The following MAGI1 variants were observed in gnomAD, a reference collection of about 807,000 sequenced individuals.
The protein encoded by MAGI1 is membrane-associated guanylate kinase, WW and PDZ domain-containing protein 1.
In MAGI1, 58 loss-of-function variants were observed where a neutral mutation model predicts 139.9. The observed-to-expected ratio is 0.41, with a 90% CI of 0.34 to 0.52. The LOEUF (loss-of-function observed/expected upper bound fraction) is 0.52, where lower values mean the gene tolerates loss of function less well. MAGI1 is among the 20% of genes least tolerant of loss of function. The pLI, the probability that MAGI1 is intolerant of heterozygous loss-of-function variation, is 0.12. For synonymous variants in MAGI1, 812 were observed against 737.9 expected (o/e 1.10, Z -1.63); for missense variants, 1,874 against 1,901.6 (o/e 0.99, Z 0.27).
chr3:65,512,482 C>T (rs896809790), intron 2 of MAGI1, among the ~76,000 whole-genome samples: 3 of 148,490 alleles, frequency 2.0e-5, no homozygotes, highest in South Asian at 2.2e-4. Context: ...ATATCACCAC[C>T]GATCCCACAG....
At chr3:65,518,756 C>T (rs957712765) in intron 2 of MAGI1, among the ~76,000 whole-genome samples, 1 of 143,274 alleles carries the variant, frequency 7.0e-6, no homozygotes, top group Non-Finnish European at 1.5e-5. Context: ...ATGTTGAAGA[C>T]GGTAGATGCA....
At chr3:65,526,080 T>A (rs1332509311) in intron 2 of MAGI1, among the ~76,000 whole-genome samples, 1 of 152,232 alleles carries the variant, frequency 6.6e-6, no homozygotes, top group East Asian at 1.9e-4. Context: ...ATTCTCCACT[T>A]CTATCATAAT....
At chr3:65,984,290 T>A (rs1015180969) in intron 1 of MAGI1, among the ~76,000 whole-genome samples, 2 of 152,124 alleles carry the variant, frequency 1.3e-5, no homozygotes, top group Non-Finnish European at 2.9e-5. Context: ...TGAGACACCA[T>A]CTAAAAACTA....
chr3:65,450,587 G>T (rs558102684), intron 6 of MAGI1, among the ~76,000 whole-genome samples: 1 of 152,232 alleles, frequency 6.6e-6, no homozygotes, highest in Admixed American at 6.5e-5. Flanking sequence ...CGACTAAGTC[G>T]AAGTATCTTT....
intron 1 of MAGI1, among the ~76,000 whole-genome samples, chr3:65,716,712 C>T (rs562545218): frequency 3.3e-5 from 5 of 152,274 alleles, no homozygotes; most frequent in Admixed American, 6.5e-5. Flanking sequence ...CAAGATAAAA[C>T]GAAAGAATAA....
intron 1 of MAGI1, among the ~76,000 whole-genome samples, chr3:65,947,632 T>C (rs1259482660): frequency 6.6e-6 from 1 of 152,182 alleles, no homozygotes; most frequent in East Asian, 1.9e-4. Flanking sequence ...GGTTTGTTTT[T>C]CTGAGACGGG....
At chr3:65,387,065 C>A (rs146924151) in intron 14 of MAGI1, 4 of 1,302,838 alleles carry the variant, frequency 3.1e-6, no homozygotes, top group Non-Finnish European at 4.4e-6. Context: ...TGAACTTCTC[C>A]CCAGGCCCCC....
intron 1 of MAGI1, among the ~76,000 whole-genome samples, chr3:65,880,322 A>G (rs142292635): frequency 1.4e-3 from 206 of 152,336 alleles, no homozygotes; most frequent in African/African-American, 4.8e-3. Context: ...TAGTAACAGT[A>G]GTGCTGGCAG....
intron 2 of MAGI1, among the ~76,000 whole-genome samples, chr3:65,590,648 G>T (rs982946340): frequency 5.3e-5 from 8 of 152,134 alleles, no homozygotes; most frequent in Non-Finnish European, 1.2e-4. Flanking sequence ...GAACAATGCT[G>T]AATATATTAC....
intron 1 of MAGI1, among the ~76,000 whole-genome samples, chr3:65,813,430 G>A (rs1308486185): frequency 1.3e-5 from 2 of 151,624 alleles, no homozygotes; most frequent in African/African-American, 4.8e-5. Context: ...TGCGAATTAT[G>A]AAAAAAAATG....
intron 1 of MAGI1, among the ~76,000 whole-genome samples, chr3:65,652,542 T>C (rs2085644421): frequency 6.6e-6 from 1 of 152,100 alleles, no homozygotes; most frequent in African/African-American, 2.4e-5. Flanking sequence ...GTCAAATGTC[T>C]CCTGGAAAAT....
intron 7 of MAGI1, among the ~76,000 whole-genome samples, chr3:65,443,233 T>C (rs1275288853): frequency 6.6e-6 from 1 of 152,216 alleles, no homozygotes; most frequent in Non-Finnish European, 1.5e-5. Context: ...CAAAAATGGA[T>C]GAAAATTAAT....
chr3:65,599,356 T>A (rs1261578995), intron 2 of MAGI1, among the ~76,000 whole-genome samples: 1 of 152,142 alleles, frequency 6.6e-6, no homozygotes, highest in Admixed American at 6.5e-5. Context: ...AGAAAATAAA[T>A]GTTGTTCCTT....
chr3:65,573,315 C>G (rs1020280956), intron 2 of MAGI1, among the ~76,000 whole-genome samples: 2 of 151,742 alleles, frequency 1.3e-5, no homozygotes, highest in Non-Finnish European at 2.9e-5. Flanking sequence ...AAAAATTTAA[C>G]CAATCATATT....
At chr3:65,996,546 G>C (rs1246337914) in intron 1 of MAGI1, among the ~76,000 whole-genome samples, 5 of 151,916 alleles carry the variant, frequency 3.3e-5, no homozygotes, top group Non-Finnish European at 7.4e-5. Context: ...ACTAAGGGGG[G>C]GGGGGGGGAA....
At chr3:65,774,516 A>AT (rs1464882570) in intron 1 of MAGI1, among the ~76,000 whole-genome samples, 1 of 152,176 alleles carries the variant, frequency 6.6e-6, no homozygotes, top group Non-Finnish European at 1.5e-5. Flanking sequence ...AAAAGAATTC[A>AT]TAATAAGTGC....
At chr3:65,533,298 G>A (rs2078803376) in intron 2 of MAGI1, among the ~76,000 whole-genome samples, 1 of 152,138 alleles carries the variant, frequency 6.6e-6, no homozygotes, top group Non-Finnish European at 1.5e-5. Flanking sequence ...GACCAAAGGA[G>A]GTGTGGTCAC....
At chr3:65,597,933 G>T (rs768633253) in intron 2 of MAGI1, 9 of 450,008 alleles carry the variant, frequency 2.0e-5, no homozygotes, top group African/African-American at 4.0e-5. Context: ...GGTGGGGGGG[G>T]GGTGGGACCG....
At chr3:65,901,692 T>C (rs2061239937) in intron 1 of MAGI1, among the ~76,000 whole-genome samples, 1 of 152,218 alleles carries the variant, frequency 6.6e-6, no homozygotes, top group Non-Finnish European at 1.5e-5. Flanking sequence ...GTTCAAGTTA[T>C]ATCGGGGCTC....
Sources: gnomAD v4.1 joint callset for allele counts (sites outside exome capture counted in the v4.1 genomes callset) on GRCh38, gnomAD v4.1.1 for gene constraint, MANE v1.5 for transcripts, NCBI Gene and HGNC (gene_info 2026-07-23, HGNC 2026-07-21) for gene names.